ZWILCH: variants seen among roughly 807,000 people sequenced by gnomAD.
ZWILCH encodes protein zwilch homolog.
ZWILCH carries 74 observed loss-of-function variants against 79.9 expected under a neutral mutation model. That is an observed-to-expected ratio of 0.93 (90% CI 0.77 to 1.12). The LOEUF (loss-of-function observed/expected upper bound fraction) is 1.12. Among genes scored for constraint, ZWILCH ranks in the 50% most tolerant of loss-of-function variants. The pLI is 0.00. For synonymous variants in ZWILCH, 241 were observed against 228.2 expected (o/e 1.06, Z -0.51); for missense variants, 694 against 687.5 (o/e 1.01, Z -0.11).
At chr15:66,506,033 T>G (rs999753703) in intron 1 of ZWILCH, among the ~76,000 whole-genome samples, 2 of 152,194 alleles carry the variant, frequency 1.3e-5, no homozygotes, top group African/African-American at 4.8e-5. Context: ...GGGCCCCACT[T>G]CCAGGGTTTC....
At chr15:66,509,738 A>G (rs976774767) in intron 2 of ZWILCH, among the ~76,000 whole-genome samples, 1 of 135,324 alleles carries the variant, frequency 7.4e-6, no homozygotes, top group Non-Finnish European at 1.7e-5. Context: ...AAAATAAAGT[A>G]TACATTAACA....
At chr15:66,544,261 A>G (rs971274105) in intron 17 of ZWILCH, among the ~76,000 whole-genome samples, 5 of 151,956 alleles carry the variant, frequency 3.3e-5, no homozygotes, top group Non-Finnish European at 5.9e-5. Flanking sequence ...CCATCTCAAA[A>G]AAAAAAAGAA....
In ZWILCH at chr15:66,518,950, C is replaced by T. The variant is rs2140760874; in HGVS notation, c.392C>T (p.Thr131Ile). The change falls in exon 5 of 19, where the codon ACT becomes ATT. Residue 131 changes from threonine to isoleucine, a missense_variant. Physicochemically the swap from Thr to Ile is moderately conservative, Grantham distance 89 (BLOSUM62 -1). Coordinates refer to ENST00000307897, the MANE Select transcript of ZWILCH (RefSeq NM_017975.5). ...MTHLKINLPV[T>I]ALPPLWVRCD... is the part of the protein sequence containing the mutation. ...CATTTGAAGATTAATCTGCCAGTTA[C>T]TGCCCTTCCTCCCCTTTGGGTAAGA... 2 of 1,614,240 alleles carry T rather than the reference C, an allele frequency of 1.2e-6. No individual in the cohort carries two copies. Among genetic ancestry groups the T allele is most frequent in the Middle Eastern group, 1.6e-4 (1 of 6,062 alleles).
intron 5 of ZWILCH, 150 bp downstream of exon 5, chr15:66,519,228 C>A: frequency 1.4e-6 from 1 of 708,276 alleles, no homozygotes; most frequent in South Asian, 1.9e-5. Context: ...TGGTGTGTAA[C>A]TTGCAGCATG....
At chr15:66,517,703 G>T (rs2140757151) in intron 4 of ZWILCH, among the ~76,000 whole-genome samples, 1 of 137,234 alleles carries the variant, frequency 7.3e-6, no homozygotes, top group East Asian at 2.1e-4. Context: ...TGTTTATTGG[G>T]TCCTACTTCT....
At chr15:66,542,783 A>G (rs918147334) in intron 17 of ZWILCH, among the ~76,000 whole-genome samples, 4 of 152,092 alleles carry the variant, frequency 2.6e-5, no homozygotes, top group African/African-American at 9.7e-5. Flanking sequence ...GCTTGAGCTC[A>G]AGAGTTCAAG....
At position 66,529,542 on chromosome 15, in the gene ZWILCH, A is replaced by G. The variant is rs770735224; in HGVS notation, c.1124A>G (p.Gln375Arg). 50 of 1,613,912 alleles carry G rather than the reference A, an allele frequency of 3.1e-5. No individual in the cohort carries two copies. Among genetic ancestry groups the G allele is most frequent in the Non-Finnish European group, 4.2e-5 (49 of 1,179,958 alleles). ...GTGAAGTGTTTCACATTGATCATCC[A>G]GAGTCTACAACGTGGTGATATACAG... Reference protein sequence around the residue: ...DLVKCFTLIIQSLQRGDIQPW... With the variant: ...DLVKCFTLIIRSLQRGDIQPW... The change falls in exon 12 of 19, where the codon CAG becomes CGG. Residue 375 changes from glutamine (Q) to arginine (R), a missense_variant. By Grantham distance (43) the Gln-to-Arg change is conservative (BLOSUM62 1). Transcript: ENST00000307897.
intron 7 of ZWILCH, 100 bp from the exon 8 acceptor site, chr15:66,523,577 T>G (rs1257608170): frequency 1.4e-6 from 1 of 711,102 alleles, no homozygotes; most frequent in African/African-American, 1.8e-5. Context: ...TGAAATATAT[T>G]TTTTAATGTG....
chr15:66,509,851 ATATATATATATATATATATC>A (rs1306242088), intron 2 of ZWILCH, among the ~76,000 whole-genome samples: 5 of 91,994 alleles, frequency 5.4e-5, no homozygotes, highest in Admixed American at 3.7e-4. Flanking sequence ...ATATATATAT[ATATATATATATATATATATC>A]TCTTAAAAAT....
chr15:66,546,496 C>T (rs1433640246), intron 17 of ZWILCH, 95 bp from the exon 18 acceptor site: 1 of 674,706 alleles, frequency 1.5e-6, no homozygotes, highest in African/African-American at 1.8e-5. Flanking sequence ...TTTAGACCAC[C>T]TCTTAGTTAT....
intron 7 of ZWILCH, among the ~76,000 whole-genome samples, chr15:66,522,388 C>T (rs570220660): frequency 1.7e-4 from 24 of 144,382 alleles, no homozygotes; most frequent in African/African-American, 5.7e-4. Context: ...GGCTGGAGTG[C>T]AGTGGCGTCA....
chr15:66,510,366 G>A (rs1402273069), intron 2 of ZWILCH, among the ~76,000 whole-genome samples: 4 of 145,352 alleles, frequency 2.8e-5, no homozygotes, highest in Admixed American at 2.1e-4. Context: ...CAGCCTGGGC[G>A]ACAGAGCGAG....
intron 1 of ZWILCH, among the ~76,000 whole-genome samples, chr15:66,507,921 A>G (rs1226311727): frequency 6.7e-6 from 1 of 149,500 alleles, no homozygotes; most frequent in East Asian, 1.9e-4. Flanking sequence ...CCTGGGCCAC[A>G]GAGCGAGACT....
intron 1 of ZWILCH, among the ~76,000 whole-genome samples, chr15:66,507,858 G>A (rs764168225): frequency 2.6e-5 from 4 of 151,782 alleles, no homozygotes; most frequent in East Asian, 1.9e-4. Flanking sequence ...GCGTGAACCC[G>A]GGAGGCAGAG....
intron 1 of ZWILCH, 131 bp downstream of exon 1, chr15:66,505,522 T>G: frequency 9.0e-7 from 1 of 1,117,142 alleles, no homozygotes; most frequent in South Asian, 1.4e-5. Flanking sequence ...GGTCCAGGAG[T>G]TGGGGAGAGG....
chr15:66,548,601 G>A lies in ZWILCH; in HGVS notation c.*277G>A, dbSNP rs778315569. On this transcript the variant is annotated 3_prime_UTR_variant, in exon 19 of 19. Coordinates refer to ENST00000307897, the MANE Select transcript of ZWILCH (RefSeq NM_017975.5). ...TAACCATTTGCATGTGACTTAGCAAGGGCTCTGAAATGACAAAGAGAACGA... is the reference window on the plus strand; with the variant it reads ...TAACCATTTGCATGTGACTTAGCAAAGGCTCTGAAATGACAAAGAGAACGA... The A allele has an allele frequency of 4.5e-6, 7 of 1,569,524 alleles. No homozygotes were observed. In the Admixed American group the frequency reaches 8.3e-5, roughly 19 times the overall value.
chr15:66,508,087 A>G (rs1185018881), intron 1 of ZWILCH, among the ~76,000 whole-genome samples: 1 of 152,264 alleles, frequency 6.6e-6, no homozygotes, highest in Non-Finnish European at 1.5e-5. Context: ...TCAGGAAGTC[A>G]TATAGTATTA....
At chr15:66,519,411 G>T (rs1175635939) in intron 5 of ZWILCH, among the ~76,000 whole-genome samples, 2 of 152,222 alleles carry the variant, frequency 1.3e-5, no homozygotes, top group East Asian at 3.9e-4. Flanking sequence ...TGTATTTTTG[G>T]TAGTAGTATT....
At chr15:66,517,472 A>G (rs1352268565) in intron 4 of ZWILCH, among the ~76,000 whole-genome samples, 1 of 139,516 alleles carries the variant, frequency 7.2e-6, no homozygotes, top group Non-Finnish European at 1.5e-5. Context: ...GTACACACAT[A>G]CACCATTTTA....
Sources: allele counts gnomAD v4.1 joint callset (sites outside exome capture counted in the v4.1 genomes callset), GRCh38; gene constraint gnomAD v4.1.1; transcripts MANE v1.5; gene names NCBI Gene and HGNC (gene_info 2026-07-23, HGNC 2026-07-21).